Variants in SOS2 observed in about 807,000 individuals in gnomAD.
SOS2 encodes SOS Ras/Rho guanine nucleotide exchange factor 2, also known as son of sevenless homolog 2.
In SOS2, 65 loss-of-function variants were observed where a neutral mutation model predicts 148.2. The observed-to-expected ratio is 0.44, with a 90% CI of 0.36 to 0.54. The LOEUF (loss-of-function observed/expected upper bound fraction) is 0.54. Ranked by LOEUF, SOS2 falls within the 20% of genes least tolerant of loss-of-function variation. The pLI, the probability that SOS2 is intolerant of heterozygous loss-of-function variation, is 0.00. For synonymous variants in SOS2, 539 were observed against 537.1 expected (o/e 1.00, Z -0.05); for missense variants, 1,341 against 1,590.2 (o/e 0.84, Z 2.67).
intron 8 of SOS2, among the ~76,000 whole-genome samples, chr14:50,163,005 G>A (rs927434421): frequency 2.0e-5 from 3 of 150,156 alleles, no homozygotes; most frequent in African/African-American, 7.3e-5. Context: ...GGACTCAAGT[G>A]ATCCTTCCAT....
At chr14:50,200,281 G>A (rs570704613) in intron 3 of SOS2, among the ~76,000 whole-genome samples, 1 of 152,050 alleles carries the variant, frequency 6.6e-6, no homozygotes, top group South Asian at 2.1e-4. Flanking sequence ...GGCGGGGCGG[G>A]GGGGGCTTGA....
intron 7 of SOS2, among the ~76,000 whole-genome samples, chr14:50,177,551 A>C (rs1408766537): frequency 2.0e-5 from 3 of 151,994 alleles, no homozygotes; most frequent in Non-Finnish European, 2.9e-5. Flanking sequence ...CCACAGCAAA[A>C]ATTCCTAATA....
chr14:50,167,233 T>A (rs568328293), intron 8 of SOS2, among the ~76,000 whole-genome samples: 4 of 152,290 alleles, frequency 2.6e-5, no homozygotes, highest in African/African-American at 9.6e-5. Context: ...AAATCCTCTT[T>A]ATGGTCTTTT....
chr14:50,137,368 T>C (rs923608956), intron 18 of SOS2, among the ~76,000 whole-genome samples: 3 of 152,190 alleles, frequency 2.0e-5, no homozygotes, highest in Admixed American at 1.3e-4. Flanking sequence ...TTTTGCTACA[T>C]GTAACATTAT....
chr14:50,187,881 T>C (rs1018384710), intron 5 of SOS2, among the ~76,000 whole-genome samples: 2 of 152,092 alleles, frequency 1.3e-5, no homozygotes, highest in Non-Finnish European at 2.9e-5. Flanking sequence ...GACAGAAAAA[T>C]GCAGAGGTCT....
Position 50,134,255 on chromosome 14 carries a change from T to C in SOS2, c.2959-16A>G, listed in dbSNP as rs147830734. ...CAAAGAATCTCTGGAATTAAACAAATAACACAAGTGCATATATAGTAAGTA... is the reference window on the plus strand; with the variant it reads ...CAAAGAATCTCTGGAATTAAACAAACAACACAAGTGCATATATAGTAAGTA... On this transcript the variant is annotated splice_polypyrimidine_tract_variant and intron_variant, in intron 18 of 22. Transcript: ENST00000216373. 1.4e-4 allele frequency: 157 copies of C among 1,118,038 alleles called. 1 individual carries two copies. The highest frequency in any genetic ancestry group is 1.8e-4 in the Non-Finnish European group (131 of 739,830). The allele number at this position is 1,118,038 out of a possible 1,614,324, so 69.3% of individuals were successfully genotyped here. A position where few individuals can be genotyped will look rare whatever the true frequency, so the allele number is the denominator to read the frequency against.
intron 8 of SOS2, among the ~76,000 whole-genome samples, chr14:50,165,018 G>C (rs1240164573): frequency 6.6e-6 from 1 of 152,120 alleles, no homozygotes; most frequent in African/African-American, 2.4e-5. Context: ...AGAGGAAGGG[G>C]GACTACGGCT....
chr14:50,142,683 G>A (rs1421516584), intron 16 of SOS2, among the ~76,000 whole-genome samples: 1 of 152,128 alleles, frequency 6.6e-6, no homozygotes, highest in African/African-American at 2.4e-5. Flanking sequence ...CTACAATAGA[G>A]GTATAAGAGG....
rs147081547 is a variant in SOS2 at position 50,157,046 on chromosome 14, T to C, written c.2010A>G (p.Ala670=). 63 of 1,612,526 alleles carry C rather than the reference T, an allele frequency of 3.9e-5. No individual in the cohort carries two copies. The African/African-American group carries it at 7.5e-4, about 19-fold the overall frequency. The part of the protein sequence containing the change: ...AIEKGEQPIS[A]DLKRFRKEYV... ...ATTCCTTGCGAAATCTTTTAAGGTC[T>C]GCACTGATTGGCTGCTCGCCTTTCT... The change falls in exon 12 of 23, where the codon GCA becomes GCG. Residue 670 remains alanine, a synonymous_variant. Transcript: ENST00000216373.
At chr14:50,210,192 T>C (rs909763513) in intron 1 of SOS2, among the ~76,000 whole-genome samples, 1 of 152,128 alleles carries the variant, frequency 6.6e-6, no homozygotes, top group African/African-American at 2.4e-5. Flanking sequence ...GGCATAAGGA[T>C]AGAGAAAGAA....
chr14:50,169,098 G>A (rs754261472), intron 8 of SOS2, among the ~76,000 whole-genome samples: 1 of 151,928 alleles, frequency 6.6e-6, no homozygotes, highest in Non-Finnish European at 1.5e-5. Context: ...GATCATTTGA[G>A]GTCAGGAGTT....
At chr14:50,229,761 T>C (rs1887484762) in intron 1 of SOS2, among the ~76,000 whole-genome samples, 1 of 152,238 alleles carries the variant, frequency 6.6e-6, no homozygotes, top group Non-Finnish European at 1.5e-5. Context: ...ACCAGAAAGT[T>C]ATAAATGGGT....
intron 1 of SOS2, among the ~76,000 whole-genome samples, chr14:50,223,134 G>A (rs373453571): frequency 6.6e-6 from 1 of 152,152 alleles, no homozygotes; most frequent in African/African-American, 2.4e-5. Flanking sequence ...TTGAGCAACC[G>A]GAAGGATGGA....
intron 13 of SOS2, 129 bp downstream of exon 13, chr14:50,152,941 G>A: frequency 1.2e-5 from 6 of 516,376 alleles, no homozygotes; most frequent in Non-Finnish European, 1.1e-5. Context: ...CTCCAGCCTG[G>A]ACAACAAAGC....
intron 5 of SOS2, 44 bp downstream of exon 5, chr14:50,188,453 G>GT: frequency 7.7e-7 from 1 of 1,298,680 alleles, no homozygotes; most frequent in Non-Finnish European, 1.1e-6. Flanking sequence ...AGCTGGTCTG[G>GT]TTTTTTGGGG....
rs748120062 is a variant in SOS2 at position 50,159,713 on chromosome 14, ATAT to A, written c.1567_1569del (p.Ile523del). The stretch of plus-strand genomic sequence containing the variant: ...TTTTCTTCAGCAGACTTAGCAGCAA[ATAT>A]TATGCTGTTCTCATCTTTGGATACT... On this transcript the variant is annotated inframe_deletion, in exon 10 of 23. Coordinates refer to ENST00000216373, the MANE Select transcript of SOS2 (RefSeq NM_006939.4). 4.3e-6 allele frequency: 7 copies of A among 1,614,124 alleles called. No individual in the cohort carries two copies. Among genetic ancestry groups the A allele is most frequent in the South Asian group, 1.1e-5 (1 of 91,082 alleles).
chr14:50,204,269 C>T lies in SOS2; in HGVS notation c.213+15G>A. The T allele has an allele frequency of 6.5e-7, 1 of 1,542,294 alleles. No individual in the cohort carries two copies. Among genetic ancestry groups the T allele is most frequent in the Non-Finnish European group, 8.7e-7 (1 of 1,144,456 alleles). ...GTGGTTGAGTGACTTTTTGAAATGA[C>T]AAAATAATTTTTACCTCTACATCTT... On this transcript the variant is annotated intron_variant, in intron 2 of 22. Coordinates refer to ENST00000216373, the MANE Select transcript of SOS2 (RefSeq NM_006939.4).
chr14:50,205,700 G>A (rs1356177070), intron 1 of SOS2, among the ~76,000 whole-genome samples: 2 of 152,160 alleles, frequency 1.3e-5, no homozygotes, highest in Non-Finnish European at 2.9e-5. Context: ...GGGAGGCCGA[G>A]GTGGGTGGAT....
chr14:50,229,817 T>C (rs558635016), intron 1 of SOS2, among the ~76,000 whole-genome samples: 35 of 152,242 alleles, frequency 2.3e-4, no homozygotes, highest in Non-Finnish European at 4.3e-4. Context: ...ACCTGATTAC[T>C]GCACTCACAC....
Sources: allele counts gnomAD v4.1 joint callset (sites outside exome capture counted in the v4.1 genomes callset), GRCh38; gene constraint gnomAD v4.1.1; transcripts MANE v1.5; gene names NCBI Gene and HGNC (gene_info 2026-07-23, HGNC 2026-07-21).